The following RGS6 variants were observed in gnomAD, a reference collection of about 807,000 sequenced individuals.
RGS6 encodes regulator of G-protein signaling 6.
A neutral mutation model predicts 78.5 loss-of-function variants in RGS6; 30 were observed. The ratio of observed to expected loss-of-function variants is 0.38; its 90% CI spans 0.29 to 0.52. The LOEUF is 0.52. RGS6 is among the 20% of genes least tolerant of loss of function. The pLI, the probability that RGS6 is intolerant of heterozygous loss-of-function variation, is 0.85. For synonymous variants in RGS6, 206 were observed against 206.0 expected (o/e 1.00, Z 0.00); for missense variants, 495 against 609.7 (o/e 0.81, Z 1.98).
intron 17 of RGS6, among the ~76,000 whole-genome samples, chr14:72,555,704 T>G (rs1400421329): frequency 1.3e-5 from 2 of 152,254 alleles, no homozygotes; most frequent in Non-Finnish European, 2.9e-5. Flanking sequence ...GGCAAGTTAC[T>G]CAAACTCCGT....
chr14:72,167,355 A>T (rs924586101), intron 2 of RGS6, among the ~76,000 whole-genome samples: 13 of 152,240 alleles, frequency 8.5e-5, no homozygotes, highest in African/African-American at 3.1e-4. Context: ...AGTCACAATT[A>T]TATATAATGG....
At chr14:72,256,794 A>G (rs1489437786) in intron 2 of RGS6, among the ~76,000 whole-genome samples, 2 of 152,142 alleles carry the variant, frequency 1.3e-5, no homozygotes, top group Admixed American at 1.3e-4. Flanking sequence ...CATTGTCATA[A>G]TTTTTAGAAA....
chr14:72,167,008 T>C (rs1388966191), intron 2 of RGS6, among the ~76,000 whole-genome samples: 4 of 151,862 alleles, frequency 2.6e-5, no homozygotes, highest in African/African-American at 9.7e-5. Flanking sequence ...TAATTCAACC[T>C]ATTTTAATCC....
At chr14:72,430,216 T>C (rs2153157132) in intron 3 of RGS6, among the ~76,000 whole-genome samples, 1 of 152,290 alleles carries the variant, frequency 6.6e-6, no homozygotes, top group South Asian at 2.1e-4. Context: ...TAAAATAACC[T>C]TTCCATTCTC....
chr14:72,625,078 G>C, the RGS6 span, among the ~76,000 whole-genome samples: 1 of 152,092 alleles, frequency 6.6e-6, no homozygotes, highest in Non-Finnish European at 1.5e-5. Flanking sequence ...CTCAACAAGA[G>C]AAATAGGATA....
the RGS6 span, among the ~76,000 whole-genome samples, chr14:71,911,310 A>G: frequency 3.3e-5 from 5 of 152,116 alleles, no homozygotes; most frequent in Middle Eastern, 3.2e-3. Context: ...ACACTTCTTT[A>G]TTTTTTCTAA....
the RGS6 span, among the ~76,000 whole-genome samples, chr14:72,610,669 C>T: frequency 6.6e-6 from 1 of 152,160 alleles, no homozygotes; most frequent in African/African-American, 2.4e-5. Flanking sequence ...GCCAGGAAGG[C>T]GCCTGATGAG....
intron 2 of RGS6, among the ~76,000 whole-genome samples, chr14:72,071,805 C>T (rs1313493599): frequency 6.6e-6 from 1 of 152,088 alleles, no homozygotes; most frequent in Non-Finnish European, 1.5e-5. Flanking sequence ...TAATTATTTG[C>T]AGAAATATGA....
chr14:72,107,333 A>G (rs1049603221), intron 2 of RGS6, among the ~76,000 whole-genome samples: 1 of 152,018 alleles, frequency 6.6e-6, no homozygotes, highest in Admixed American at 6.5e-5. Flanking sequence ...AAATTGTCCC[A>G]TTTTTGGCCA....
intron 3 of RGS6, among the ~76,000 whole-genome samples, chr14:72,381,951 A>G (rs74060781): frequency 0.11 from 16,161 of 151,984 alleles, 1,556 homozygotes; most frequent in African/African-American, 0.26. Context: ...TGGTAAGAAC[A>G]CTCACTGGGG....
At chr14:72,175,527 A>G (rs906771901) in intron 2 of RGS6, among the ~76,000 whole-genome samples, 7 of 152,232 alleles carry the variant, frequency 4.6e-5, no homozygotes, top group African/African-American at 1.7e-4. Flanking sequence ...CCTCTGGGAA[A>G]TGACAAGATG....
chr14:72,119,947 G>C (rs1249437443), intron 2 of RGS6, among the ~76,000 whole-genome samples: 1 of 152,230 alleles, frequency 6.6e-6, no homozygotes, highest in African/African-American at 2.4e-5. Context: ...GAGGAGTGGA[G>C]TGTTGCCTAT....
intron 12 of RGS6, among the ~76,000 whole-genome samples, chr14:72,491,191 T>C (rs2153403380): frequency 6.6e-6 from 1 of 152,316 alleles, no homozygotes; most frequent in Non-Finnish European, 1.5e-5. Flanking sequence ...AAGGAAAAAT[T>C]TTATTGTGGA....
At chr14:72,323,274 A>G (rs2072620254) in intron 2 of RGS6, among the ~76,000 whole-genome samples, 1 of 152,156 alleles carries the variant, frequency 6.6e-6, no homozygotes, top group Non-Finnish European at 1.5e-5. Context: ...GATCCCATTT[A>G]CAATAAGAAT....
At chr14:72,456,592 G>A (rs2095636795) in intron 4 of RGS6, among the ~76,000 whole-genome samples, 2 of 152,136 alleles carry the variant, frequency 1.3e-5, no homozygotes, top group South Asian at 4.1e-4. Context: ...ACTGCACCTG[G>A]CCCCATTGGC....
At chr14:72,122,194 T>A (rs2096068245) in intron 2 of RGS6, among the ~76,000 whole-genome samples, 1 of 152,142 alleles carries the variant, frequency 6.6e-6, no homozygotes, top group Admixed American at 6.5e-5. Context: ...CACTCTTGAT[T>A]CTCTAAGCAT....
intron 2 of RGS6, among the ~76,000 whole-genome samples, chr14:71,987,475 A>G (rs2153166640): frequency 6.6e-6 from 1 of 152,330 alleles, no homozygotes; most frequent in South Asian, 2.1e-4. Context: ...CATTTACTGT[A>G]GTCCCATCCA....
intron 2 of RGS6, among the ~76,000 whole-genome samples, chr14:72,349,696 T>TA (rs2078757692): frequency 6.6e-6 from 1 of 152,190 alleles, no homozygotes; most frequent in African/African-American, 2.4e-5. Context: ...AGGACCTCTT[T>TA]AGTAAATGAG....
chr14:72,513,402 T>C (rs1433192906), intron 14 of RGS6, among the ~76,000 whole-genome samples: 1 of 152,156 alleles, frequency 6.6e-6, no homozygotes, highest in Non-Finnish European at 1.5e-5. Flanking sequence ...ATCATCTCTG[T>C]GGACTGGGTG....
Sources: allele counts gnomAD v4.1 joint callset (sites outside exome capture counted in the v4.1 genomes callset), GRCh38; gene constraint gnomAD v4.1.1; transcripts MANE v1.5; gene names NCBI Gene and HGNC (gene_info 2026-07-23, HGNC 2026-07-21).